The following SLC24A2 variants were observed in gnomAD, a reference collection of about 807,000 sequenced individuals.
SLC24A2 encodes solute carrier family 24 member 2.
SLC24A2 carries 36 observed loss-of-function variants against 62.0 expected under a neutral mutation model. That is an observed-to-expected ratio of 0.58 (90% confidence interval 0.44 to 0.77). SLC24A2 has a LOEUF of 0.77. Among genes scored for constraint, SLC24A2 ranks in the 30% least tolerant of loss-of-function variants. The pLI is 0.00. For missense variants in SLC24A2, 846 were observed against 817.9 expected (o/e 1.03, Z -0.42); for synonymous variants, 358 against 294.0 (o/e 1.22, Z -2.23).
chr9:19,978,095 A>T, the SLC24A2 span, among the ~76,000 whole-genome samples: 1 of 152,194 alleles, frequency 6.6e-6, no homozygotes, highest in African/African-American at 2.4e-5. Context: ...TTGATTGCAG[A>T]GAACAAGAGA....
the SLC24A2 span, among the ~76,000 whole-genome samples, chr9:20,304,714 T>G: frequency 6.6e-6 from 1 of 152,220 alleles, no homozygotes; most frequent in Admixed American, 6.5e-5. Context: ...AACACAATCC[T>G]TATATAAAAT....
chr9:19,547,327 G>T (rs758449830), intron 8 of SLC24A2, among the ~76,000 whole-genome samples: 89 of 152,326 alleles, frequency 5.8e-4, no homozygotes, highest in Admixed American at 2.5e-3. Flanking sequence ...TTCTGCAGGT[G>T]CTGGCTCTCA....
the SLC24A2 span, among the ~76,000 whole-genome samples, chr9:20,304,878 C>T: frequency 2.4e-4 from 36 of 151,718 alleles, no homozygotes; most frequent in South Asian, 2.1e-4. Flanking sequence ...CACGTATGAG[C>T]TCACCTGGGT....
chr9:19,951,960 C>G, the SLC24A2 span, among the ~76,000 whole-genome samples: 1 of 152,006 alleles, frequency 6.6e-6, no homozygotes, highest in Non-Finnish European at 1.5e-5. Context: ...TTTTCTAATC[C>G]ATGAGCATGA....
At chr9:20,064,098 T>C in the SLC24A2 span, among the ~76,000 whole-genome samples, 1 of 152,170 alleles carries the variant, frequency 6.6e-6, no homozygotes, top group African/African-American at 2.4e-5. Context: ...GATAAATGAA[T>C]AAATGTGGTA....
intron 6 of SLC24A2, 40 bp from the exon 7 acceptor site, chr9:19,573,509 C>G (rs199732292): frequency 0.084 from 2,606 of 31,016 alleles, 61 homozygotes; most frequent in Non-Finnish European, 0.13. Flanking sequence ...CACACACACA[C>G]ACACACACAC....
the SLC24A2 span, among the ~76,000 whole-genome samples, chr9:20,307,840 G>A: frequency 6.6e-6 from 1 of 152,144 alleles, no homozygotes; most frequent in African/African-American, 2.4e-5. Flanking sequence ...AGGAGGGACC[G>A]CGGCTCTCTT....
chr9:19,833,472 C>T, the SLC24A2 span, among the ~76,000 whole-genome samples: 1 of 152,288 alleles, frequency 6.6e-6, no homozygotes, highest in Admixed American at 6.5e-5. Flanking sequence ...TGGAACCTCG[C>T]TCATTGCTAG....
intron 7 of SLC24A2, among the ~76,000 whole-genome samples, chr9:19,566,886 C>T (rs1835673023): frequency 6.6e-6 from 1 of 151,512 alleles, no homozygotes; most frequent in African/African-American, 2.4e-5. Flanking sequence ...AGCATGTTCT[C>T]ACTCATAGGT....
chr9:19,676,857 TAAAA>T (rs1564031332), intron 2 of SLC24A2, among the ~76,000 whole-genome samples: 1 of 152,152 alleles, frequency 6.6e-6, no homozygotes, highest in Non-Finnish European at 1.5e-5. Context: ...TTTTTAACAA[TAAAA>T]AAGTTTTTCT....
the SLC24A2 span, among the ~76,000 whole-genome samples, chr9:20,219,742 T>C: frequency 2.0e-5 from 3 of 152,234 alleles, no homozygotes; most frequent in East Asian, 5.8e-4. Flanking sequence ...TATGAAGAAA[T>C]ATTGAGAGTC....
chr9:20,011,256 T>A, the SLC24A2 span, among the ~76,000 whole-genome samples: 1 of 152,160 alleles, frequency 6.6e-6, no homozygotes, highest in Non-Finnish European at 1.5e-5. Context: ...TTTCTCCACA[T>A]CCTCTCCAGC....
In SLC24A2 at chr9:19,552,383, C is replaced by G. The variant is rs1016941967; in HGVS notation, c.1348-2115G>C. ...GGTATATTTTCCTGTCTGTTCCCTC[C>G]CAGATATGATCCTTCTTGTTTAACC... On this transcript the variant is annotated intron_variant, in intron 7 of 10. Coordinates refer to ENST00000341998, the MANE Select transcript of SLC24A2 (RefSeq NM_020344.4). Among the ~76,000 whole-genome samples, 5 of 152,202 alleles carry G rather than the reference C, an allele frequency of 3.3e-5. 1 individual carries two copies. The highest frequency in any genetic ancestry group is 1.2e-4 in the African/African-American group (5 of 41,448).
chr9:19,722,670 C>T (rs1193904658), intron 2 of SLC24A2, among the ~76,000 whole-genome samples: 1 of 150,210 alleles, frequency 6.7e-6, no homozygotes, highest in East Asian at 2.0e-4. Context: ...AAAAAAAAAA[C>T]CACGATATTC....
the SLC24A2 span, among the ~76,000 whole-genome samples, chr9:20,018,374 T>C: frequency 5.9e-5 from 9 of 152,192 alleles, no homozygotes; most frequent in Non-Finnish European, 5.9e-5. Flanking sequence ...AGTGTATGTG[T>C]CTGTTTTTGC....
rs530008986 is a variant in SLC24A2 at position 19,779,725 on chromosome 9, G to A, written c.930+6212C>T. ...AAAATGACAATGTCTAATTTATGAG[G>A]CTTAAAAAATGAAAGTTATAACTCA... On this transcript the variant is annotated intron_variant, in intron 2 of 10. Coordinates refer to ENST00000341998, the MANE Select transcript of SLC24A2 (RefSeq NM_020344.4). Among the ~76,000 whole-genome samples the A allele has an allele frequency of 9.2e-5, 14 of 152,296 alleles. No individual in the cohort carries two copies. In the South Asian group the frequency reaches 2.7e-3, roughly 29 times the overall value.
the SLC24A2 span, among the ~76,000 whole-genome samples, chr9:19,871,821 T>G: frequency 6.6e-6 from 1 of 152,216 alleles, no homozygotes; most frequent in African/African-American, 2.4e-5. Context: ...TGGAGAAAGT[T>G]ACATTCTATT....
At chr9:20,013,537 C>A in the SLC24A2 span, among the ~76,000 whole-genome samples, 2 of 152,146 alleles carry the variant, frequency 1.3e-5, no homozygotes, top group East Asian at 3.8e-4. Context: ...AAAGCACAGG[C>A]AACAACGCAG....
Position 19,720,837 on chromosome 9 carries a change from ATGTGTGTG to A in SLC24A2, c.930+65092_930+65099del, listed in dbSNP as rs10692458. Reference sequence around the variant, plus strand: ...AAACAATTTGTGTATATGTGGAATGATGTGTGTGTGTGTGTGTGTGTGTGTGTGTGTGT... The same window carrying A: ...AAACAATTTGTGTATATGTGGAATGATGTGTGTGTGTGTGTGTGTGTGTGT... On this transcript the variant is annotated intron_variant, in intron 2 of 10. Coordinates refer to ENST00000341998, the MANE Select transcript of SLC24A2 (RefSeq NM_020344.4). 5.3e-3 allele frequency among the ~76,000 whole-genome samples: 738 copies of A among 140,516 alleles called. 6 individuals are homozygous for A. Among genetic ancestry groups the A allele is most frequent in the African/African-American group, 0.016 (602 of 38,116 alleles). The allele number at this position is 140,516 out of a possible 152,430, so 92.2% of individuals were successfully genotyped here. A position where few individuals can be genotyped will look rare whatever the true frequency, so the allele number is the denominator to read the frequency against.
Sources: allele counts gnomAD v4.1 joint callset (sites outside exome capture counted in the v4.1 genomes callset), GRCh38; gene constraint gnomAD v4.1.1; transcripts MANE v1.5; gene names NCBI Gene and HGNC (gene_info 2026-07-23, HGNC 2026-07-21).